Variants in ARHGEF12 observed in about 807,000 individuals in gnomAD.
ARHGEF12 encodes KMT2A/ARHGEF12 fusion protein.
ARHGEF12 carries 66 observed loss-of-function variants against 211.2 expected under a neutral mutation model. That is an observed-to-expected ratio of 0.31 (90% CI 0.26 to 0.38). The LOEUF (loss-of-function observed/expected upper bound fraction) is 0.38. Ranked by LOEUF, ARHGEF12 falls within the 10% of genes least tolerant of loss-of-function variation. The pLI, the probability that ARHGEF12 is intolerant of heterozygous loss-of-function variation, is 1.00. For missense variants in ARHGEF12, 1,429 were observed against 1,869.5 expected (o/e 0.76, Z 4.34); for synonymous variants, 592 against 638.4 (o/e 0.93, Z 1.09).
chr11:120,399,321 C>CAAAAAAAAAAAAAAAAAAAAA lies in ARHGEF12; in HGVS notation c.33-6787_33-6767dup. 1.7e-3 allele frequency among the ~76,000 whole-genome samples: 63 copies of CAAAAAAAAAAAAAAAAAAAAA among 36,508 alleles called. 2 individuals carry two copies. The highest frequency in any genetic ancestry group is 2.3e-3 in the Non-Finnish European group (49 of 20,854). 24.0% of individuals were successfully genotyped at this position (36,508 alleles called of 152,430 possible). A position where few individuals can be genotyped will look rare whatever the true frequency, so the allele number is the denominator to read the frequency against. ...GAGTGAGAGAGTGAGACATTGTCTCCAAAAAAAAAAAAAAAAAAAAAAAAA... is the reference window on the plus strand; with the variant it reads ...GAGTGAGAGAGTGAGACATTGTCTCCAAAAAAAAAAAAAAAAAAAAAAAAAAAAAAAAAAAAAAAAAAAAAA... On this transcript the variant is annotated intron_variant, in intron 1 of 40. Transcript: ENST00000397843.
chr11:120,440,829 G>A (rs1945848248), intron 13 of ARHGEF12, among the ~76,000 whole-genome samples: 1 of 152,046 alleles, frequency 6.6e-6, no homozygotes, highest in Non-Finnish European at 1.5e-5. Flanking sequence ...TTAGCTATAA[G>A]TATTTTTTAG....
rs138036491 is a variant in ARHGEF12, at chr11:120,399,549, T to C, written c.33-6569T>C. ...TCTTTGTACTCAACCAATGAATGCA[T>C]ACCAACTGTAACACCTGAAGGTAGG... is the stretch of plus-strand genomic sequence containing the variant. On this transcript the variant is annotated intron_variant, in intron 1 of 40. Transcript: ENST00000397843. 2.6e-5 allele frequency among the ~76,000 whole-genome samples: 4 copies of C among 152,168 alleles called. No homozygotes were observed. In the East Asian group the frequency reaches 5.8e-4, roughly 22 times the overall value.
At chr11:120,479,776 A>G (rs1316896612) in intron 37 of ARHGEF12, among the ~76,000 whole-genome samples, 184 bp from the exon 38 acceptor site, 2 of 152,212 alleles carry the variant, frequency 1.3e-5, no homozygotes, top group Non-Finnish European at 2.9e-5. Context: ...CATCTTCAAA[A>G]CAAAATGGAA....
At position 120,387,754 on chromosome 11, in the gene ARHGEF12, TTC is replaced by T. The variant is rs1442265377; in HGVS notation, c.33-18362_33-18361del. Among the ~76,000 whole-genome samples, 5 of 152,248 alleles carry T rather than the reference TTC, an allele frequency of 3.3e-5. No individual in the cohort carries two copies. In the East Asian group the frequency reaches 9.6e-4, roughly 29 times the overall value. On this transcript the variant is annotated intron_variant, in intron 1 of 40. Coordinates refer to ENST00000397843, the MANE Select transcript of ARHGEF12 (RefSeq NM_015313.3). The stretch of plus-strand genomic sequence containing the variant: ...AAGCAAAGAAAAAAAGCAGCAAAGT[TTC>T]TTTTTTGTTTATGTGTCACTGTATA...
At chr11:120,344,265 CAAAAAAAAAA>C (rs71473103) in intron 1 of ARHGEF12, among the ~76,000 whole-genome samples, 8 of 53,024 alleles carry the variant, frequency 1.5e-4, no homozygotes, top group African/African-American at 5.0e-4. Context: ...GACTCCGTCT[CAAAAAAAAAA>C]AAAAAAAAAA....
intron 1 of ARHGEF12, chr11:120,385,287 G>T (rs1463981719): frequency 1.0e-6 from 1 of 985,004 alleles, no homozygotes; most frequent in Non-Finnish European, 1.2e-6. Flanking sequence ...GAGAAGAGGT[G>T]GGGTTTCTTC....
At chr11:120,433,585 G>A (rs1945609335) in intron 11 of ARHGEF12, among the ~76,000 whole-genome samples, 1 of 152,204 alleles carries the variant, frequency 6.6e-6, no homozygotes, top group Non-Finnish European at 1.5e-5. Context: ...TGATACGAAT[G>A]AGAAATTTGA....
chr11:120,392,286 G>A (rs1944243118), intron 1 of ARHGEF12, among the ~76,000 whole-genome samples: 1 of 152,118 alleles, frequency 6.6e-6, no homozygotes, highest in Non-Finnish European at 1.5e-5. Context: ...CAGCTTAAAT[G>A]CCTCTAAGGT....
intron 24 of ARHGEF12, 47 bp from the exon 25 acceptor site, chr11:120,458,033 T>C: frequency 1.3e-6 from 2 of 1,571,680 alleles, no homozygotes; most frequent in Non-Finnish European, 1.7e-6. Context: ...TGTTTCTCAT[T>C]GTCCACCTAA....
chr11:120,478,306 T>G lies in ARHGEF12; in HGVS notation c.3683T>G (p.Val1228Gly). ...EQHTDGTLKEVGEDYQIAIPD... is the reference protein window; with the variant it reads ...EQHTDGTLKEGGEDYQIAIPD... ...CATACAGATGGGACACTAAAGGAAG[T>G]TGGAGAAGATTATCAAATCGCAATC... The change falls in exon 37 of 41, where the codon GTT (valine) becomes GGT (glycine). Residue 1228 changes from valine (V) to glycine (G), a missense_variant. By Grantham distance (109) the Val-to-Gly change is moderately radical (BLOSUM62 -3). This residue lies in a region of ARHGEF12 where 467 missense variants were observed against 468.4 expected (regional missense o/e 1.00). Coordinates refer to ENST00000397843, the MANE Select transcript of ARHGEF12 (RefSeq NM_015313.3). The G allele has an allele frequency of 1.2e-6, 2 of 1,614,084 alleles. No homozygotes were observed. Among genetic ancestry groups the G allele is most frequent in the Non-Finnish European group, 1.7e-6 (2 of 1,180,006 alleles).
In ARHGEF12 at chr11:120,477,312, G is replaced by A; in HGVS notation, c.3452+7G>A. On this transcript the variant is annotated splice_region_variant and intron_variant, in intron 35 of 40. Transcript: ENST00000397843. ...CACAGTCAACACCTGGCGAGTGAGT[G>A]TTCCTTTGCATTGTAGTAGGACTTA... 6.2e-7 allele frequency: 1 copy of A among 1,613,312 alleles called. No homozygotes were observed. The highest frequency in any genetic ancestry group is 8.5e-7 in the Non-Finnish European group (1 of 1,179,720).
At chr11:120,435,007 A>T (rs1378751144) in intron 11 of ARHGEF12, among the ~76,000 whole-genome samples, 1 of 152,188 alleles carries the variant, frequency 6.6e-6, no homozygotes, top group African/African-American at 2.4e-5. Context: ...TTTTTAAAAT[A>T]TAGCTATAAT....
At chr11:120,463,525 CAAAAAAAAAAAA>C (rs11315620) in intron 27 of ARHGEF12, 4 of 81,678 alleles carry the variant, frequency 4.9e-5, no homozygotes, top group African/African-American at 1.7e-4. Context: ...AACTCAGTCT[CAAAAAAAAAAAA>C]AAAAAAAAAC....
At chr11:120,456,638 C>A (rs1437749135) in intron 22 of ARHGEF12, among the ~76,000 whole-genome samples, 1 of 152,162 alleles carries the variant, frequency 6.6e-6, no homozygotes, top group Non-Finnish European at 1.5e-5. Context: ...TCATCATATA[C>A]TCTTCTGCAC....
chr11:120,457,060 G>A, intron 22 of ARHGEF12, 58 bp from the exon 23 acceptor site: 1 of 1,545,872 alleles, frequency 6.5e-7, no homozygotes, highest in Non-Finnish European at 8.7e-7. Context: ...ATTTTTTTTG[G>A]TGACCAGTGA....
intron 39 of ARHGEF12, among the ~76,000 whole-genome samples, chr11:120,483,715 C>T (rs374460045): frequency 1.3e-5 from 2 of 152,016 alleles, no homozygotes; most frequent in South Asian, 2.1e-4. Context: ...CCCAGGTTCA[C>T]GCCATTCTCC....
chr11:120,484,383 G>A, intron 39 of ARHGEF12, 55 bp from the exon 40 acceptor site: 2 of 1,514,864 alleles, frequency 1.3e-6, no homozygotes, highest in South Asian at 1.2e-5. Flanking sequence ...TGAAGTTTTT[G>A]TTTTGTTTTG....
intron 38 of ARHGEF12, among the ~76,000 whole-genome samples, 154 bp from the exon 39 acceptor site, chr11:120,481,106 G>A (rs575840321): frequency 2.6e-5 from 4 of 152,334 alleles, no homozygotes; most frequent in South Asian, 4.1e-4. Context: ...CATCTGAAGT[G>A]AGGAAATTCT....
rs780910570 is a variant in ARHGEF12, at chr11:120,429,536, G to T, written c.663+19G>T. 1 of 1,610,842 alleles carries T rather than the reference G, an allele frequency of 6.2e-7. No individual in the cohort carries two copies. The highest frequency in any genetic ancestry group is 8.5e-7 in the Non-Finnish European group (1 of 1,178,486). On this transcript the variant is annotated intron_variant, in intron 9 of 40. Coordinates refer to ENST00000397843, the MANE Select transcript of ARHGEF12 (RefSeq NM_015313.3). ...GCTACAGGTATTAAATGAGAAGTAGGGCTGTTTACAGGCCAATAAAAATGT... is the reference window on the plus strand; with the variant it reads ...GCTACAGGTATTAAATGAGAAGTAGTGCTGTTTACAGGCCAATAAAAATGT...
Sources: allele counts gnomAD v4.1 joint callset (sites outside exome capture counted in the v4.1 genomes callset), GRCh38; gene constraint gnomAD v4.1.1; regional missense constraint gnomAD v4.1.1; transcripts MANE v1.5; gene names NCBI Gene and HGNC (gene_info 2026-07-23, HGNC 2026-07-21).